NAA11: variants seen among roughly 807,000 people sequenced by gnomAD.
NAA11 encodes the protein N-alpha-acetyltransferase 11, NatA catalytic subunit, also known as N-alpha-acetyltransferase 11.
In NAA11, 15 loss-of-function variants were observed where a neutral mutation model predicts 16.1. That is an observed-to-expected ratio of 0.93 (90% CI 0.62 to 1.44). NAA11 has a LOEUF of 1.44. NAA11 is among the 40% of genes most tolerant of loss of function. The pLI is 0.00. For missense variants in NAA11, 298 were observed against 291.3 expected (o/e 1.02, Z -0.17); for synonymous variants, 122 against 112.4 (o/e 1.09, Z -0.54).
At chr4:79,193,742 G>T in the NAA11 span, among the ~76,000 whole-genome samples, 1 of 152,230 alleles carries the variant, frequency 6.6e-6, no homozygotes, top group Non-Finnish European at 1.5e-5. Context: ...CTTTAAAATA[G>T]TTTTTTCCAA....
At chr4:79,301,490 T>C (rs1433368906) in intron 1 of NAA11, among the ~76,000 whole-genome samples, 1 of 152,222 alleles carries the variant, frequency 6.6e-6, no homozygotes, top group Non-Finnish European at 1.5e-5. Flanking sequence ...ATATGTCAAT[T>C]CCTGTTTATC....
At chr4:79,251,472 T>G (rs1360787585) in intron 2 of NAA11, among the ~76,000 whole-genome samples, 1 of 152,052 alleles carries the variant, frequency 6.6e-6, no homozygotes, top group Non-Finnish European at 1.5e-5. Context: ...TGGGGCCTAC[T>G]TGAGAGTGGA....
At chr4:79,192,789 T>C in the NAA11 span, among the ~76,000 whole-genome samples, 1 of 149,814 alleles carries the variant, frequency 6.7e-6, no homozygotes, top group Admixed American at 6.6e-5. Flanking sequence ...TCTAGATCCC[T>C]GAGGAATCGC....
rs188849059 is a variant in NAA11, at chr4:79,229,668, T to C, written c.*123-3398A>G. Among the ~76,000 whole-genome samples, 39 of 152,100 alleles carry C rather than the reference T, an allele frequency of 2.6e-4. 2 individuals carry two copies. The East Asian group carries it at 5.4e-3, about 21-fold the overall frequency. On this transcript the variant is annotated intron_variant and NMD_transcript_variant, in intron 2 of 2. Transcript: ENST00000511542. ...ATAATAATATCTAACATTTAGTAAA[T>C]TTTTGCTATGTGCCTGGTATGATAT...
chr4:79,268,332 T>G (rs1454646926), intron 2 of NAA11, among the ~76,000 whole-genome samples: 1 of 152,176 alleles, frequency 6.6e-6, no homozygotes, highest in Non-Finnish European at 1.5e-5. Flanking sequence ...GGAACTCTGA[T>G]TCCATTAGAT....
At chr4:79,243,290 A>AT (rs1287823152) in intron 2 of NAA11, among the ~76,000 whole-genome samples, 1 of 152,218 alleles carries the variant, frequency 6.6e-6, no homozygotes, top group African/African-American at 2.4e-5. Context: ...TGCAAATAAT[A>AT]TTTTAAAAAA....
chr4:79,189,597 G>A, the NAA11 span, among the ~76,000 whole-genome samples: 1 of 152,110 alleles, frequency 6.6e-6, no homozygotes, highest in Non-Finnish European at 1.5e-5. Context: ...TGTTCTGTCT[G>A]CCAGAGTCCC....
At chr4:79,164,767 G>C in the NAA11 span, among the ~76,000 whole-genome samples, 1 of 152,156 alleles carries the variant, frequency 6.6e-6, no homozygotes, top group Non-Finnish European at 1.5e-5. Flanking sequence ...TAACAAAGAA[G>C]CTGTTAACAG....
the NAA11 span, among the ~76,000 whole-genome samples, chr4:79,204,380 C>T: frequency 6.6e-5 from 10 of 151,602 alleles, no homozygotes; most frequent in Admixed American, 2.0e-4. Context: ...TAATGGTTAG[C>T]GAAAAATCAG....
intron 1 of NAA11, among the ~76,000 whole-genome samples, chr4:79,303,632 C>A (rs1336802406): frequency 6.6e-6 from 1 of 152,278 alleles, no homozygotes; most frequent in East Asian, 1.9e-4. Flanking sequence ...AACATTTGGG[C>A]AACCTTCTAG....
the NAA11 span, among the ~76,000 whole-genome samples, chr4:79,220,437 CTGTGTGTGTGTG>C: frequency 7.0e-6 from 1 of 142,948 alleles, no homozygotes; most frequent in African/African-American, 2.5e-5. Flanking sequence ...GTGTGTGTGT[CTGTGTGTGTGTG>C]TGTGTGTGTG....
intron 2 of NAA11, among the ~76,000 whole-genome samples, chr4:79,253,851 A>C (rs1722046289): frequency 6.6e-6 from 1 of 152,248 alleles, no homozygotes; most frequent in Non-Finnish European, 1.5e-5. Context: ...AGAGGAGGAC[A>C]CATTGCCAGA....
At chr4:79,159,180 T>A in the NAA11 span, among the ~76,000 whole-genome samples, 1 of 152,120 alleles carries the variant, frequency 6.6e-6, no homozygotes, top group Non-Finnish European at 1.5e-5. Flanking sequence ...ATCTTTGCAA[T>A]CTATAGGTCT....
chr4:79,275,398 C>G (rs544010625), intron 2 of NAA11, among the ~76,000 whole-genome samples: 2 of 152,124 alleles, frequency 1.3e-5, no homozygotes, highest in Admixed American at 1.3e-4. Context: ...GAATTCTGGT[C>G]ATAAGAAAGG....
chr4:79,268,307 T>G (rs1722396989), intron 2 of NAA11, among the ~76,000 whole-genome samples: 1 of 152,168 alleles, frequency 6.6e-6, no homozygotes, highest in Admixed American at 6.5e-5. Flanking sequence ...AATTGTAAAG[T>G]TCATATCAAA....
chr4:79,271,454 A>G (rs1722490720), intron 2 of NAA11, among the ~76,000 whole-genome samples: 1 of 151,800 alleles, frequency 6.6e-6, no homozygotes, highest in Admixed American at 6.6e-5. Flanking sequence ...GACACTTTGT[A>G]TTTTTTTTGG....
chr4:79,263,632 A>G (rs1305976247), intron 2 of NAA11, among the ~76,000 whole-genome samples: 1 of 152,160 alleles, frequency 6.6e-6, no homozygotes, highest in African/African-American at 2.4e-5. Flanking sequence ...TGTTATCAAA[A>G]AACACTTTCT....
At chr4:79,308,237 A>T (rs1022838852) in intron 1 of NAA11, 2 of 152,234 alleles carry the variant, frequency 1.3e-5, no homozygotes, top group African/African-American at 4.8e-5. Context: ...GGTAGAAGGA[A>T]GATTGCACTA....
the NAA11 span, among the ~76,000 whole-genome samples, chr4:79,215,521 G>A: frequency 6.6e-6 from 1 of 152,154 alleles, no homozygotes; most frequent in Non-Finnish European, 1.5e-5. Context: ...GCTGCTTTCT[G>A]GGTTTCCTCA....
Sources: allele counts gnomAD v4.1 joint callset (sites outside exome capture counted in the v4.1 genomes callset), GRCh38; gene constraint gnomAD v4.1.1; transcripts MANE v1.5; gene names NCBI Gene and HGNC (gene_info 2026-07-23, HGNC 2026-07-21).